DNAJC1: variants seen among roughly 807,000 people sequenced by gnomAD.
The protein encoded by DNAJC1 is dnaJ homolog subfamily C member 1.
DNAJC1 carries 58 observed loss-of-function variants against 76.6 expected under a neutral mutation model. The observed-to-expected ratio is 0.76, with a 90% CI of 0.61 to 0.94. The LOEUF is 0.94. Among genes scored for constraint, DNAJC1 ranks in the 40% least tolerant of loss-of-function variants. The pLI, the probability that DNAJC1 is intolerant of heterozygous loss-of-function variation, is 0.00. For missense variants in DNAJC1, 689 were observed against 677.3 expected, an observed-to-expected ratio of 1.02 and a Z score of -0.19; for synonymous variants, 258 against 267.9, an observed-to-expected ratio of 0.96 and a Z score of 0.36.
rs370655862 is a variant in DNAJC1, at chr10:21,918,836, T to C, written c.672A>G (p.Pro224=). 3.4e-5 allele frequency: 55 copies of C among 1,613,160 alleles called. No homozygotes were observed. The highest frequency in any genetic ancestry group is 2.2e-5 in the South Asian group (2 of 91,054). ...GGCAAAACCAAATCCCCAGTTTGCATGGAAGCAAATCATGCCACTGTGGTT... is the reference window on the plus strand; with the variant it reads ...GGCAAAACCAAATCCCCAGTTTGCACGGAAGCAAATCATGCCACTGTGGTT... ...LMKPQWHDLL[P]CKLGIWFCLT... The change falls in exon 6 of 12, where the codon CCA becomes CCG. Residue 224 remains proline (P), a synonymous_variant. Coordinates refer to ENST00000376980, the MANE Select transcript of DNAJC1 (RefSeq NM_022365.4).
chr10:21,971,711 C>T (rs1214670928), intron 1 of DNAJC1, among the ~76,000 whole-genome samples: 1 of 151,862 alleles, frequency 6.6e-6, no homozygotes, highest in Non-Finnish European at 1.5e-5. Context: ...ATTCAAATTA[C>T]TTCTGCTAAA....
chr10:21,904,431 A>T (rs1217529101), intron 7 of DNAJC1, 91 bp downstream of exon 7: 1 of 882,750 alleles, frequency 1.1e-6, no homozygotes, highest in Non-Finnish European at 1.6e-6. Context: ...GAAAACCAGA[A>T]AATTTAATTA....
intron 8 of DNAJC1, among the ~76,000 whole-genome samples, chr10:21,831,136 T>C (rs1057482569): frequency 6.6e-6 from 1 of 152,186 alleles, no homozygotes; most frequent in Non-Finnish European, 1.5e-5. Flanking sequence ...TTTTTCCTTC[T>C]GTGACAGTTC....
intron 9 of DNAJC1, among the ~76,000 whole-genome samples, chr10:21,772,422 A>C (rs1215005135): frequency 6.6e-6 from 1 of 151,842 alleles, no homozygotes; most frequent in Admixed American, 6.6e-5. Context: ...TCTATCTATT[A>C]AAATGGTCTG....
chr10:21,870,237 ATACT>A (rs1274040294), intron 8 of DNAJC1, among the ~76,000 whole-genome samples: 1 of 152,086 alleles, frequency 6.6e-6, no homozygotes, highest in East Asian at 1.9e-4. Context: ...ATATTTGATA[ATACT>A]TAACAATATT....
chr10:21,842,182 G>T (rs1206969866), intron 8 of DNAJC1, among the ~76,000 whole-genome samples: 1 of 151,560 alleles, frequency 6.6e-6, no homozygotes, highest in Admixed American at 6.6e-5. Context: ...CACCAACATG[G>T]CACATGTATA....
intron 8 of DNAJC1, among the ~76,000 whole-genome samples, chr10:21,815,191 C>A (rs1835054914): frequency 6.6e-6 from 1 of 152,178 alleles, no homozygotes; most frequent in Admixed American, 6.5e-5. Flanking sequence ...CTGCTCAGAA[C>A]TAAAAACAAT....
intron 9 of DNAJC1, among the ~76,000 whole-genome samples, chr10:21,792,960 T>C (rs940234974): frequency 2.6e-5 from 4 of 152,052 alleles, no homozygotes; most frequent in Non-Finnish European, 5.9e-5. Context: ...CCAATGTCTA[T>C]TCATGATAAA....
chr10:21,992,059 C>T (rs1838332954), intron 1 of DNAJC1, among the ~76,000 whole-genome samples: 3 of 152,158 alleles, frequency 2.0e-5, no homozygotes, highest in Admixed American at 2.0e-4. Flanking sequence ...GCCTGTAATC[C>T]CAGCACTCTG....
intron 1 of DNAJC1, among the ~76,000 whole-genome samples, chr10:21,983,006 G>A (rs2131839255): frequency 6.6e-6 from 1 of 152,234 alleles, no homozygotes; most frequent in African/African-American, 2.4e-5. Flanking sequence ...AGCAAGTTAT[G>A]ATCATGCCAC....
intron 10 of DNAJC1, among the ~76,000 whole-genome samples, chr10:21,763,706 G>A (rs1249781999): frequency 6.6e-6 from 1 of 152,010 alleles, no homozygotes; most frequent in African/African-American, 2.4e-5. Context: ...TGTGTAATAG[G>A]AAATATTCCC....
intron 1 of DNAJC1, among the ~76,000 whole-genome samples, chr10:21,942,253 T>C (rs1837425626): frequency 6.6e-6 from 1 of 152,136 alleles, no homozygotes; most frequent in Admixed American, 6.5e-5. Context: ...TGGTAATAAG[T>C]AATGATAAAA....
intron 1 of DNAJC1, among the ~76,000 whole-genome samples, chr10:21,997,857 C>T (rs1024873447): frequency 2.0e-5 from 3 of 152,062 alleles, no homozygotes; most frequent in Admixed American, 1.3e-4. Flanking sequence ...TTATAAAACA[C>T]GAGAGAAAGA....
At chr10:21,997,418 G>C (rs1160364455) in intron 1 of DNAJC1, among the ~76,000 whole-genome samples, 1 of 152,202 alleles carries the variant, frequency 6.6e-6, no homozygotes, top group Non-Finnish European at 1.5e-5. Context: ...TATGCTCAAG[G>C]GTAAGTCTGG....
At chr10:21,890,180 G>C (rs1000788447) in intron 7 of DNAJC1, among the ~76,000 whole-genome samples, 9 of 151,994 alleles carry the variant, frequency 5.9e-5, no homozygotes, top group South Asian at 2.1e-4. Context: ...GGGAGGCTGG[G>C]GGGGGGTGGA....
chr10:21,796,064 G>A (rs1303657065), intron 9 of DNAJC1, among the ~76,000 whole-genome samples: 1 of 151,458 alleles, frequency 6.6e-6, no homozygotes. Flanking sequence ...CCACCTCCTG[G>A]GTTCAAGCGA....
At chr10:21,769,346 T>C (rs532034298) in intron 9 of DNAJC1, among the ~76,000 whole-genome samples, 3 of 152,258 alleles carry the variant, frequency 2.0e-5, no homozygotes, top group Admixed American at 6.5e-5. Flanking sequence ...CTAAATAAAT[T>C]GTGTGTGTGC....
intron 1 of DNAJC1, among the ~76,000 whole-genome samples, chr10:21,961,996 C>T (rs570407198): frequency 6.6e-6 from 1 of 152,254 alleles, no homozygotes; most frequent in East Asian, 1.9e-4. Flanking sequence ...ATCTTCATTA[C>T]TCACATCCTC....
chr10:21,759,256 G>T lies in DNAJC1; in HGVS notation c.1510C>A (p.Leu504Ile). ...TACTGCTGCAACGCCAGTTCCAGAA[G>T]TTTCTGTTGATTTTGAGTCCACGGC... is the stretch of plus-strand genomic sequence containing the variant. ...EEPWTQNQQK[L>I]LELALQQYPR... The change falls in exon 11 of 12, where the codon CTT (leucine) becomes ATT (isoleucine). Residue 504 changes from leucine (L) to isoleucine (I), a missense_variant. Transcript: ENST00000376980. 1.2e-6 allele frequency: 2 copies of T among 1,614,246 alleles called. No homozygotes were observed. Among genetic ancestry groups the T allele is most frequent in the Non-Finnish European group, 1.7e-6 (2 of 1,180,040 alleles).
Sources: allele counts gnomAD v4.1 joint callset (sites outside exome capture counted in the v4.1 genomes callset), GRCh38; gene constraint gnomAD v4.1.1; transcripts MANE v1.5; gene names NCBI Gene and HGNC (gene_info 2026-07-23, HGNC 2026-07-21).